The following APOBEC3F variants were observed in gnomAD, a reference collection of about 807,000 sequenced individuals.
The protein encoded by APOBEC3F is DNA dC->dU-editing enzyme APOBEC-3F.
A neutral mutation model predicts 45.8 loss-of-function variants in APOBEC3F; 34 were observed. The observed-to-expected ratio is 0.74, with a 90% CI of 0.57 to 0.99. The LOEUF (loss-of-function observed/expected upper bound fraction) is 0.99. Ranked by LOEUF, APOBEC3F falls within the 50% of genes least tolerant of loss-of-function variation. APOBEC3F has a pLI of 0.00. For synonymous variants in APOBEC3F, 192 were observed against 174.4 expected, an observed-to-expected ratio of 1.10 and a Z score of -0.80; for missense variants, 459 against 474.1, an observed-to-expected ratio of 0.97 and a Z score of 0.30.
intron 1 of APOBEC3F, among the ~76,000 whole-genome samples, 159 bp from the exon 2 acceptor site, chr22:39,042,777 TC>T (rs1056604582): frequency 3.9e-5 from 6 of 152,010 alleles, no homozygotes; most frequent in Non-Finnish European, 7.4e-5. Context: ...TCTTGCTCTC[TC>T]CCCGGTCTTC....
chr22:39,045,662 A>G (rs1927181762), intron 4 of APOBEC3F, 120 bp downstream of exon 4: 2 of 1,535,290 alleles, frequency 1.3e-6, no homozygotes, highest in East Asian at 2.3e-5. Context: ...CCTCATGGTT[A>G]CACCCCTCAC....
chr22:39,044,434 C>T, intron 2 of APOBEC3F: 4 of 1,335,850 alleles, frequency 3.0e-6, no homozygotes, highest in Non-Finnish European at 3.9e-6. Flanking sequence ...GTTCTGGCCT[C>T]TGGGAAGTCC....
rs1927625179 is a variant in APOBEC3F, at chr22:39,054,327, G to C, written c.*1632G>C. 4.6e-5 allele frequency among the ~76,000 whole-genome samples: 7 copies of C among 152,188 alleles called. No individual in the cohort carries two copies. ...GTTCACTGCAGCCTCTGCCGCCTGA[G>C]TTCAAGCTATTTTCCTACCTAAGCC... On this transcript the variant is annotated 3_prime_UTR_variant, in exon 7 of 7. Coordinates refer to ENST00000308521, the MANE Select transcript of APOBEC3F (RefSeq NM_145298.6).
At position 39,043,153 on chromosome 22, in the gene APOBEC3F, G is replaced by A. The variant is rs368241414; in HGVS notation, c.171+63G>A. ...TAAGCCAGCTGGGAAAGCAAACCACGCACTGATAAGTGAAGTGCCCGGCGG... is the reference window on the plus strand; with the variant it reads ...TAAGCCAGCTGGGAAAGCAAACCACACACTGATAAGTGAAGTGCCCGGCGG... On this transcript the variant is annotated intron_variant, in intron 2 of 6. Coordinates refer to ENST00000308521, the MANE Select transcript of APOBEC3F (RefSeq NM_145298.6). 1.7e-5 allele frequency: 27 copies of A among 1,585,508 alleles called. No homozygotes were observed. The South Asian group carries it at 2.9e-4, about 17-fold the overall frequency.
In APOBEC3F at chr22:39,053,769, A is replaced by G. The variant is rs1042616599; in HGVS notation, c.*1074A>G. On this transcript the variant is annotated 3_prime_UTR_variant, in exon 7 of 7. Coordinates refer to ENST00000308521, the MANE Select transcript of APOBEC3F (RefSeq NM_145298.6). ...CTACGCAGCTAAAACAGAGCCCAGG[A>G]GCCAGGGAGGAAAAGCAGTCAGGCC... The G allele has an allele frequency of 8.5e-5, 13 of 152,218 alleles. No homozygotes were observed. The highest frequency in any genetic ancestry group is 3.1e-4 in the African/African-American group (13 of 41,456). 9.4% of individuals were successfully genotyped at this position (152,218 alleles called of 1,614,324 possible).
At chr22:39,045,399 C>A in intron 3 of APOBEC3F, 29 bp from the exon 4 acceptor site, 1 of 1,613,924 alleles carries the variant, frequency 6.2e-7, no homozygotes, top group East Asian at 2.2e-5. Flanking sequence ...CAGGGCAGAG[C>A]CTGACTGCTT....
At position 39,043,055 on chromosome 22, in the gene APOBEC3F, A is replaced by C; in HGVS notation, c.136A>C (p.Arg46=). ...CGAAGTGAAAACAAAGGGTCCCTCA[A>C]GGCCCCGTTTGGACGCAAAGATCTT... is the stretch of plus-strand genomic sequence containing the variant. ...CYEVKTKGPS[R]PRLDAKIFRG... is the part of the protein sequence containing the mutation. The change falls in exon 2 of 7, where the codon AGG becomes CGG. Residue 46 remains arginine (R), a synonymous_variant. Coordinates refer to ENST00000308521, the MANE Select transcript of APOBEC3F (RefSeq NM_145298.6). 6.2e-7 allele frequency: 1 copy of C among 1,614,192 alleles called. No individual in the cohort carries two copies. Among genetic ancestry groups the C allele is most frequent in the Non-Finnish European group, 8.5e-7 (1 of 1,180,030 alleles).
In APOBEC3F at chr22:39,052,154, C is replaced by G. The variant is rs1927520060; in HGVS notation, c.804C>G (p.Asn268Lys). The change falls in exon 6 of 7, where the codon AAC becomes AAG. Residue 268 changes from asparagine to lysine, a missense_variant. Asn to Lys is a moderately conservative substitution (Grantham distance 94). Transcript: ENST00000308521. ...FCDDILSPNT[N>K]YEVTWYTSWS... ...ACGACATACTGTCTCCTAACACAAA[C>G]TACGAGGTCACCTGGTACACATCTT... 1.9e-6 allele frequency: 3 copies of G among 1,614,062 alleles called. No homozygotes were observed. Among genetic ancestry groups the G allele is most frequent in the Admixed American group, 1.7e-5 (1 of 60,016 alleles).
intron 2 of APOBEC3F, among the ~76,000 whole-genome samples, chr22:39,044,629 G>A (rs952733090): frequency 1.3e-5 from 2 of 152,122 alleles, no homozygotes; most frequent in African/African-American, 4.8e-5. Flanking sequence ...CCCAGCTAGA[G>A]GGCAAGAGAC....
intron 1 of APOBEC3F, among the ~76,000 whole-genome samples, 199 bp downstream of exon 1, chr22:39,041,176 C>T (rs1290273513): frequency 6.6e-6 from 1 of 151,948 alleles, no homozygotes; most frequent in Non-Finnish European, 1.5e-5. Context: ...CTGAATAGGC[C>T]GCTTCCCCAC....
intron 2 of APOBEC3F, chr22:39,044,493 C>G (rs368958022): frequency 3.3e-6 from 3 of 900,326 alleles, no homozygotes; most frequent in East Asian, 6.4e-5. Context: ...TGCACAGTCA[C>G]GTGGGGGTAA....
intron 4 of APOBEC3F, among the ~76,000 whole-genome samples, chr22:39,046,461 T>A (rs1461654895): frequency 6.6e-6 from 1 of 152,020 alleles, no homozygotes; most frequent in East Asian, 1.9e-4. Context: ...CCTCCAGACC[T>A]TGCTGCACCC....
chr22:39,043,105 T>C lies in APOBEC3F; in HGVS notation c.171+15T>C, dbSNP rs756754010. On this transcript the variant is annotated intron_variant, in intron 2 of 6. Transcript: ENST00000308521. ...TTCGAGGCCAGGTACCACCCGGACT[T>C]CAATCACTTTGCAGGCAGGAGCTAA... 181 of 1,613,136 alleles carry C rather than the reference T, an allele frequency of 1.1e-4. 2 individuals carry two copies. Among genetic ancestry groups the C allele is most frequent in the Middle Eastern group, 8.3e-4 (5 of 6,058 alleles).
chr22:39,040,998 C>T lies in APOBEC3F; in HGVS notation c.17+21C>T, dbSNP rs770605481. The T allele has an allele frequency of 3.2e-6, 5 of 1,581,982 alleles. No individual in the cohort carries two copies. In the Admixed American group the frequency reaches 5.5e-5, roughly 17 times the overall value. ...TTCAGGTACCGCTGCCCGCTCTACC[C>T]GCTGGGCCCCTCTGCTGCCCCTTCC... On this transcript the variant is annotated intron_variant, in intron 1 of 6. Transcript: ENST00000308521.
At position 39,040,918 on chromosome 22, in the gene APOBEC3F, G is replaced by A; in HGVS notation, c.-43G>A. The A allele has an allele frequency of 6.4e-7, 1 of 1,559,544 alleles. No individual in the cohort carries two copies. The highest frequency in any genetic ancestry group is 8.7e-7 in the Non-Finnish European group (1 of 1,151,016). On this transcript the variant is annotated 5_prime_UTR_variant, in exon 1 of 7. Transcript: ENST00000308521. ...AGCCTGGAGCAGAAAGTGAAACCCT[G>A]GTGCTCCAGACAAAGATCTTAGTCG...
intron 4 of APOBEC3F, among the ~76,000 whole-genome samples, chr22:39,047,018 G>C (rs1269797779): frequency 6.6e-6 from 1 of 152,114 alleles, no homozygotes; most frequent in Admixed American, 6.5e-5. Context: ...TGCAAGACAG[G>C]GTGGCCGGGG....
intron 2 of APOBEC3F, 107 bp downstream of exon 2, chr22:39,043,197 C>T: frequency 7.1e-7 from 1 of 1,405,586 alleles, no homozygotes; most frequent in Non-Finnish European, 9.5e-7. Flanking sequence ...CCAGTGTGTC[C>T]TTCTCTCCCA....
At chr22:39,041,063 C>T (rs1038734650) in intron 1 of APOBEC3F, 86 bp downstream of exon 1, 17 of 1,545,010 alleles carry the variant, frequency 1.1e-5, no homozygotes, top group African/African-American at 4.1e-5. Flanking sequence ...TGGCCTCCCC[C>T]TGCCCCAGCC....
In APOBEC3F at chr22:39,054,673, G is replaced by A. The variant is rs2016407; in HGVS notation, c.*1978G>A. 0.45 allele frequency among the ~76,000 whole-genome samples: 67,993 copies of A among 152,100 alleles called. 16,759 individuals are homozygous for A. The highest frequency in any genetic ancestry group is 0.69 in the East Asian group (3,551 of 5,160). ...GCTGTCTCTGTTCTCCCAACATGGT[G>A]AACACCACCCGGACTGCGTGTATGT... On this transcript the variant is annotated 3_prime_UTR_variant, in exon 7 of 7. Coordinates refer to ENST00000308521, the MANE Select transcript of APOBEC3F (RefSeq NM_145298.6).
Sources: allele counts gnomAD v4.1 joint callset (sites outside exome capture counted in the v4.1 genomes callset), GRCh38; gene constraint gnomAD v4.1.1; transcripts MANE v1.5; gene names NCBI Gene and HGNC (gene_info 2026-07-23, HGNC 2026-07-21).